The following LCLAT1 variants were observed in gnomAD, a reference collection of about 807,000 sequenced individuals.
LCLAT1 encodes the protein lysocardiolipin acyltransferase 1, also known as 1-AGP acyltransferase 8.
LCLAT1 carries 11 observed loss-of-function variants against 30.7 expected under a neutral mutation model. The ratio of observed to expected loss-of-function variants is 0.36; its 90% CI spans 0.23 to 0.59. The LOEUF is 0.59. Among genes scored for constraint, LCLAT1 ranks in the 20% least tolerant of loss-of-function variants. The probability of loss-of-function intolerance (pLI) is 0.77; values close to 1 mark genes in which losing one functional copy is unlikely to be tolerated. For synonymous variants in LCLAT1, 155 were observed against 151.3 expected (o/e 1.02, Z -0.18); for missense variants, 402 against 458.6 (o/e 0.88, Z 1.13).
chr2:30,473,197 A>G (rs1682882828), intron 1 of LCLAT1, among the ~76,000 whole-genome samples: 1 of 152,186 alleles, frequency 6.6e-6, no homozygotes, highest in African/African-American at 2.4e-5. Context: ...ATATGTGTCT[A>G]ACTGTATTAC....
At chr2:30,503,925 G>C (rs2148347007) in intron 1 of LCLAT1, among the ~76,000 whole-genome samples, 1 of 152,244 alleles carries the variant, frequency 6.6e-6, no homozygotes, top group Admixed American at 6.5e-5. Context: ...TGTTTTAGTT[G>C]ATTTTCCTTA....
chr2:30,459,704 A>C, intron 1 of LCLAT1: 1 of 1,613,514 alleles, frequency 6.2e-7, no homozygotes, highest in Non-Finnish European at 8.5e-7. Context: ...TTCATAAAGC[A>C]GGACTCTAAA....
chr2:30,520,171 A>AC (rs890730121), intron 1 of LCLAT1, among the ~76,000 whole-genome samples: 2 of 151,998 alleles, frequency 1.3e-5, no homozygotes, highest in Non-Finnish European at 2.9e-5. Context: ...GAGGCCAAGA[A>AC]CCCCCCAGGT....
chr2:30,623,413 G>C (rs564240259), intron 5 of LCLAT1, among the ~76,000 whole-genome samples: 1 of 152,030 alleles, frequency 6.6e-6, no homozygotes, highest in Non-Finnish European at 1.5e-5. Flanking sequence ...GAAATAGATA[G>C]CATAGATAAA....
At chr2:30,479,644 T>C (rs375400884) in intron 1 of LCLAT1, among the ~76,000 whole-genome samples, 1 of 152,158 alleles carries the variant, frequency 6.6e-6, no homozygotes, top group Non-Finnish European at 1.5e-5. Flanking sequence ...TAGTTAATTA[T>C]TGGGAAGGGA....
chr2:30,548,763 TG>T (rs1329159520), intron 3 of LCLAT1, among the ~76,000 whole-genome samples: 2 of 152,224 alleles, frequency 1.3e-5, no homozygotes, highest in Non-Finnish European at 2.9e-5. Context: ...TTTCAAAGTA[TG>T]GCAAGGTAAT....
In LCLAT1 at chr2:30,640,411, A is replaced by T; in HGVS notation, c.923A>T (p.Lys308Ile). 6.2e-7 allele frequency: 1 copy of T among 1,614,200 alleles called. No homozygotes were observed. The highest frequency in any genetic ancestry group is 2.2e-5 in the East Asian group (1 of 44,880). The change falls in exon 6 of 6, where the codon AAA becomes ATA. Residue 308 changes from lysine to isoleucine, a missense_variant. Lys to Ile is a moderately radical substitution (Grantham distance 102). Coordinates refer to ENST00000379509, the MANE Select transcript of LCLAT1 (RefSeq NM_001002257.3). ...CKSELRVLVV[K>I]LLSILYWTLF... is the part of the protein sequence containing the mutation. ...TCTGAACTCAGGGTCCTTGTGGTCA[A>T]ATTGCTCTCTATACTGTATTGGACC...
At chr2:30,553,785 G>A in intron 3 of LCLAT1, among the ~76,000 whole-genome samples, 1 of 151,800 alleles carries the variant, frequency 6.6e-6, no homozygotes, top group East Asian at 1.9e-4. Context: ...ACTGCAGTCC[G>A]CAGTCCGGCC....
intron 5 of LCLAT1, among the ~76,000 whole-genome samples, chr2:30,626,069 C>T (rs1400887595): frequency 1.3e-5 from 2 of 152,156 alleles, no homozygotes; most frequent in African/African-American, 4.8e-5. Flanking sequence ...TAATGCCTGG[C>T]ACATCAGAGG....
chr2:30,569,711 G>A (rs1263750815), intron 5 of LCLAT1, among the ~76,000 whole-genome samples: 1 of 152,126 alleles, frequency 6.6e-6, no homozygotes, highest in Non-Finnish European at 1.5e-5. Flanking sequence ...TTATAACCAA[G>A]TACCCATGAT....
chr2:30,593,673 T>A (rs1316579386), intron 5 of LCLAT1, among the ~76,000 whole-genome samples: 1 of 152,210 alleles, frequency 6.6e-6, no homozygotes, highest in Non-Finnish European at 1.5e-5. Context: ...TAAACTATAC[T>A]TGAAGTAAGA....
At chr2:30,584,017 C>T (rs181336773) in intron 5 of LCLAT1, among the ~76,000 whole-genome samples, 1 of 151,942 alleles carries the variant, frequency 6.6e-6, no homozygotes, top group African/African-American at 2.4e-5. Context: ...TCTAACTTCC[C>T]TCCCCTCGCC....
intron 1 of LCLAT1, among the ~76,000 whole-genome samples, chr2:30,523,923 A>G (rs1685592257): frequency 1.3e-5 from 2 of 152,150 alleles, no homozygotes; most frequent in Non-Finnish European, 1.5e-5. Context: ...GTTTTAAGGG[A>G]TTTGACCTGT....
chr2:30,562,507 AAAAAC>A (rs148957012), intron 4 of LCLAT1, among the ~76,000 whole-genome samples: 1 of 151,866 alleles, frequency 6.6e-6, no homozygotes, highest in African/African-American at 2.4e-5. Flanking sequence ...TTCATCTCAA[AAAAAC>A]AAAACAAAAC....
intron 5 of LCLAT1, among the ~76,000 whole-genome samples, chr2:30,638,767 TGCTCCTCCTCCCC>T (rs756087927): frequency 2.4e-4 from 36 of 151,674 alleles, no homozygotes; most frequent in Middle Eastern, 3.2e-3. Flanking sequence ...GACTCCTCCC[TGCTCCTCCTCCCC>T]ATTCTCCCAC....
intron 5 of LCLAT1, among the ~76,000 whole-genome samples, chr2:30,619,476 G>A (rs1031328922): frequency 6.6e-6 from 1 of 152,046 alleles, no homozygotes; most frequent in African/African-American, 2.4e-5. Context: ...ACCAATAAAG[G>A]TTTTTACAAA....
At chr2:30,608,187 G>A (rs1667548546) in intron 5 of LCLAT1, among the ~76,000 whole-genome samples, 1 of 151,732 alleles carries the variant, frequency 6.6e-6, no homozygotes, top group African/African-American at 2.4e-5. Context: ...TGGGCGTGGT[G>A]GCAGGTGCCT....
intron 3 of LCLAT1, among the ~76,000 whole-genome samples, chr2:30,537,702 T>C (rs992666714): frequency 6.6e-6 from 1 of 152,090 alleles, no homozygotes; most frequent in Non-Finnish European, 1.5e-5. Flanking sequence ...CCAAGACATA[T>C]ACTGGATTTA....
At chr2:30,465,242 G>A (rs761287330) in intron 1 of LCLAT1, among the ~76,000 whole-genome samples, 25 of 152,144 alleles carry the variant, frequency 1.6e-4, no homozygotes, top group African/African-American at 2.4e-4. Context: ...GAGATTATAC[G>A]TACACAGAGG....
Sources: allele counts gnomAD v4.1 joint callset (sites outside exome capture counted in the v4.1 genomes callset), GRCh38; gene constraint gnomAD v4.1.1; transcripts MANE v1.5; gene names NCBI Gene and HGNC (gene_info 2026-07-23, HGNC 2026-07-21).